SPATA6: variants seen among roughly 807,000 people sequenced by gnomAD.
The protein encoded by SPATA6 is spermatogenesis associated 6.
SPATA6 carries 56 observed loss-of-function variants against 65.3 expected under a neutral mutation model. The ratio of observed to expected loss-of-function variants is 0.86; its 90% CI spans 0.69 to 1.07. The LOEUF is 1.07. Ranked by LOEUF, SPATA6 falls within the 50% of genes least tolerant of loss-of-function variation. The pLI is 0.00. For missense variants in SPATA6, 590 were observed against 594.8 expected (o/e 0.99, Z 0.08); for synonymous variants, 199 against 213.2 (o/e 0.93, Z 0.58).
intron 11 of SPATA6, among the ~76,000 whole-genome samples, chr1:48,337,642 G>A (rs1646096159): frequency 6.6e-6 from 1 of 151,878 alleles, no homozygotes; most frequent in South Asian, 2.1e-4. Context: ...TAATATCAAT[G>A]CGTGAATGTA....
intron 9 of SPATA6, among the ~76,000 whole-genome samples, chr1:48,378,116 T>C (rs1648132983): frequency 6.6e-6 from 1 of 152,202 alleles, no homozygotes; most frequent in Non-Finnish European, 1.5e-5. Context: ...AAATTTCTAT[T>C]ATATTAAGTT....
At chr1:48,389,965 T>C (rs1359977605) in intron 8 of SPATA6, among the ~76,000 whole-genome samples, 1 of 151,542 alleles carries the variant, frequency 6.6e-6, no homozygotes, top group Non-Finnish European at 1.5e-5. Flanking sequence ...CCAAAGAATA[T>C]AGAAAAACAC....
At position 48,402,455 on chromosome 1, in the gene SPATA6, T is replaced by C. The variant is rs12033648; in HGVS notation, c.486+1347A>G. 2.0e-5 allele frequency among the ~76,000 whole-genome samples: 3 copies of C among 152,108 alleles called. No homozygotes were observed. In the East Asian group the frequency reaches 5.8e-4, roughly 29 times the overall value. ...CCATTTACAATGTGCACAGTGCACATCTCTAAAACAAGTCAATAACATAGC... is the reference window on the plus strand; with the variant it reads ...CCATTTACAATGTGCACAGTGCACACCTCTAAAACAAGTCAATAACATAGC... On this transcript the variant is annotated intron_variant, in intron 6 of 12. Transcript: ENST00000371847.
intron 3 of SPATA6, among the ~76,000 whole-genome samples, chr1:48,430,961 C>G (rs1024649720): frequency 6.6e-6 from 1 of 151,992 alleles, no homozygotes; most frequent in African/African-American, 2.4e-5. Context: ...AGCATCTCAG[C>G]AAAAGACAAA....
chr1:48,328,761 T>C (rs1645835144), intron 11 of SPATA6, among the ~76,000 whole-genome samples: 1 of 152,192 alleles, frequency 6.6e-6, no homozygotes, highest in South Asian at 2.1e-4. Flanking sequence ...GTGAATTATA[T>C]CTTAACAAAG....
chr1:48,305,935 C>T (rs1020640267), intron 11 of SPATA6, 57 bp from the exon 12 acceptor site: 51 of 1,307,840 alleles, frequency 3.9e-5, no homozygotes, highest in Non-Finnish European at 5.5e-5. Context: ...CAAAATGATG[C>T]ATATGTTTCT....
At chr1:48,386,795 G>A (rs1649519563) in intron 8 of SPATA6, among the ~76,000 whole-genome samples, 2 of 152,106 alleles carry the variant, frequency 1.3e-5, no homozygotes, top group Non-Finnish European at 2.9e-5. Flanking sequence ...CTTCCCCTGG[G>A]TCCTTCATGT....
intron 3 of SPATA6, among the ~76,000 whole-genome samples, chr1:48,413,649 G>T (rs1012156143): frequency 3.9e-5 from 6 of 151,906 alleles, no homozygotes; most frequent in Admixed American, 6.6e-5. Context: ...CTTAAGCAGA[G>T]TGGTGAGTAC....
At chr1:48,270,112 G>T in the SPATA6 span, among the ~76,000 whole-genome samples, 1 of 151,982 alleles carries the variant, frequency 6.6e-6, no homozygotes, top group South Asian at 2.1e-4. Flanking sequence ...TAAACTTGTG[G>T]TTACTCAGCT....
chr1:48,286,882 C>T, the SPATA6 span, among the ~76,000 whole-genome samples: 1 of 151,896 alleles, frequency 6.6e-6, no homozygotes. Context: ...ACTAAAAGTA[C>T]AAAAAATTTA....
chr1:48,359,718 T>A lies in SPATA6; in HGVS notation c.962A>T (p.Glu321Val). Reference protein sequence around the residue: ...RDFDDSLEKCEEYLSPRSCSK... With the variant: ...RDFDDSLEKCVEYLSPRSCSK... Reference sequence around the variant, plus strand: ...ACACGACCTTGGGCTCAAATACTCTTCACATTTTTCTAAAGAGTCATCGAA... The same window carrying A: ...ACACGACCTTGGGCTCAAATACTCTACACATTTTTCTAAAGAGTCATCGAA... The change falls in exon 10 of 13, where the codon GAA (glutamate) becomes GTA (valine). Residue 321 changes from glutamate (E) to valine (V), a missense_variant. Glu to Val is a moderately radical substitution (Grantham distance 121). Transcript: ENST00000371847. 6.8e-6 allele frequency: 11 copies of A among 1,613,554 alleles called. No individual in the cohort carries two copies. The highest frequency in any genetic ancestry group is 9.3e-6 in the Non-Finnish European group (11 of 1,179,770).
chr1:48,340,241 TAAAAAAAAAAAAAAAA>T lies in SPATA6; in HGVS notation c.1194+15413_1194+15428del, dbSNP rs58721253. Among the ~76,000 whole-genome samples, 9 of 53,060 alleles carry T rather than the reference TAAAAAAAAAAAAAAAA, an allele frequency of 1.7e-4. No individual in the cohort carries two copies. In the East Asian group the frequency reaches 2.9e-3, roughly 17 times the overall value. The allele number at this position is 53,060 out of a possible 152,430, so 34.8% of individuals were successfully genotyped here. ...AAAATTATCCACAGTAGGCCTGCAC[TAAAAAAAAAAAAAAAA>T]AAAAAAAAAAAAAATACAGAGAATT... is the stretch of plus-strand genomic sequence containing the variant. On this transcript the variant is annotated intron_variant, in intron 11 of 12. Transcript: ENST00000371847.
intron 9 of SPATA6, among the ~76,000 whole-genome samples, chr1:48,373,723 C>G (rs953919971): frequency 1.3e-5 from 2 of 152,206 alleles, no homozygotes; most frequent in Non-Finnish European, 1.5e-5. Flanking sequence ...GGGCAAAAGG[C>G]ACTTCTTACA....
At chr1:48,350,252 GTTAT>G (rs1394089425) in intron 11 of SPATA6, among the ~76,000 whole-genome samples, 1 of 147,636 alleles carries the variant, frequency 6.8e-6, no homozygotes, top group Non-Finnish European at 1.5e-5. Context: ...ATTTAATTTG[GTTAT>G]TTATTTTTTT....
At chr1:48,464,847 T>C (rs1657699340) in intron 1 of SPATA6, among the ~76,000 whole-genome samples, 1 of 152,166 alleles carries the variant, frequency 6.6e-6, no homozygotes, top group Non-Finnish European at 1.5e-5. Flanking sequence ...TGATTATACA[T>C]TTACGATTTG....
chr1:48,429,688 A>G (rs951979444), intron 3 of SPATA6, among the ~76,000 whole-genome samples: 2 of 152,162 alleles, frequency 1.3e-5, no homozygotes, highest in Admixed American at 1.3e-4. Flanking sequence ...ATACACTAGA[A>G]AAAGACTTTA....
rs549590359 is a variant in SPATA6 at position 48,372,895 on chromosome 1, C to T, written c.909+12414G>A. ...AGCCATGGCTTTAGTGGCTGAGACA[C>T]AGGGCACCAAGTCCCTAGACTGCAC... On this transcript the variant is annotated intron_variant, in intron 9 of 12. Transcript: ENST00000371847. 6.6e-5 allele frequency among the ~76,000 whole-genome samples: 10 copies of T among 152,302 alleles called. No individual in the cohort carries two copies. The East Asian group carries it at 1.9e-3, about 29-fold the overall frequency.
intron 11 of SPATA6, among the ~76,000 whole-genome samples, chr1:48,347,096 T>G (rs1487765071): frequency 6.6e-6 from 1 of 152,032 alleles, no homozygotes; most frequent in African/African-American, 2.4e-5. Flanking sequence ...CAAAATAGCA[T>G]GGTAGTGGTA....
chr1:48,359,810 G>GATACATATGTTAT, intron 9 of SPATA6, 40 bp from the exon 10 acceptor site: 10 of 1,423,208 alleles, frequency 7.0e-6, no homozygotes, highest in Non-Finnish European at 9.6e-6. Flanking sequence ...TACAAATACA[G>GATACATATGTTAT]ATACATATGT....
Sources: gnomAD v4.1 joint callset for allele counts (sites outside exome capture counted in the v4.1 genomes callset) on GRCh38, gnomAD v4.1.1 for gene constraint, MANE v1.5 for transcripts, NCBI Gene and HGNC (gene_info 2026-07-23, HGNC 2026-07-21) for gene names.